LGR5: variants seen among roughly 807,000 people sequenced by gnomAD.
LGR5 encodes the protein leucine rich repeat containing G protein-coupled receptor 5.
Under a neutral mutation model 76.7 loss-of-function variants are expected in LGR5, and 54 were observed. The ratio of observed to expected loss-of-function variants is 0.70; its 90% confidence interval spans 0.57 to 0.88. The LOEUF (loss-of-function observed/expected upper bound fraction) is 0.88. LGR5 is among the 40% of genes least tolerant of loss of function. LGR5 has a pLI of 0.00. For synonymous variants in LGR5, 406 were observed against 421.9 expected (o/e 0.96, Z 0.46); for missense variants, 1,078 against 1,073.3 (o/e 1.00, Z -0.06).
chr12:71,564,740 C>CTG (rs1371138478), intron 8 of LGR5, among the ~76,000 whole-genome samples: 2 of 21,562 alleles, frequency 9.3e-5, no homozygotes, highest in Non-Finnish European at 4.2e-4. Context: ...TGTACACACA[C>CTG]TGTATATATA....
intron 4 of LGR5, among the ~76,000 whole-genome samples, chr12:71,537,764 T>C (rs1156639789): frequency 6.6e-6 from 1 of 152,204 alleles, no homozygotes; most frequent in African/African-American, 2.4e-5. Flanking sequence ...CCATTCATTT[T>C]CCAGGCCATA....
intron 3 of LGR5, among the ~76,000 whole-genome samples, chr12:71,525,874 A>T (rs909359965): frequency 6.6e-6 from 1 of 151,296 alleles, no homozygotes; most frequent in Admixed American, 6.6e-5. Flanking sequence ...CTTAAATATG[A>T]ATTATACAAG....
chr12:71,535,482 C>T (rs533201492), intron 4 of LGR5, among the ~76,000 whole-genome samples: 1 of 144,558 alleles, frequency 6.9e-6, no homozygotes, highest in South Asian at 2.4e-4. Flanking sequence ...CTTCTGAATT[C>T]GAATAAGAAA....
At chr12:71,468,273 C>T (rs1872940910) in intron 1 of LGR5, among the ~76,000 whole-genome samples, 1 of 152,136 alleles carries the variant, frequency 6.6e-6, no homozygotes, top group Non-Finnish European at 1.5e-5. Context: ...ACTGATTGCA[C>T]TTGATAAAAA....
chr12:71,468,966 TA>T (rs1872975254), intron 1 of LGR5, among the ~76,000 whole-genome samples: 1 of 152,222 alleles, frequency 6.6e-6, no homozygotes, highest in Non-Finnish European at 1.5e-5. Flanking sequence ...GCCCCCCAAA[TA>T]TTAAAAGTGT....
At chr12:71,539,447 T>C (rs1876763822) in intron 4 of LGR5, among the ~76,000 whole-genome samples, 1 of 152,204 alleles carries the variant, frequency 6.6e-6, no homozygotes, top group Admixed American at 6.5e-5. Context: ...TTGTTCATAA[T>C]GGAAACACAT....
Position 71,504,671 on chromosome 12 carries a change from C to G in LGR5, c.270C>G (p.Arg90=), listed in dbSNP as rs1466735133. 1 of 1,613,544 alleles carries G rather than the reference C, an allele frequency of 6.2e-7. No homozygotes were observed. Among genetic ancestry groups the G allele is most frequent in the East Asian group, 2.2e-5 (1 of 44,872 alleles). ...QLLPNPLPSL[R]FLEELRLAGN... ...TCCCGAATCCCCTGCCCAGTCTCCGCTTCCTGGAGGAGTTGTAAGTATCAC... is the reference window on the plus strand; with the variant it reads ...TCCCGAATCCCCTGCCCAGTCTCCGGTTCCTGGAGGAGTTGTAAGTATCAC... Residue 90 remains arginine (R), a synonymous_variant, in exon 2 of 18, where the codon CGC becomes CGG. Transcript: ENST00000266674.
intron 2 of LGR5, among the ~76,000 whole-genome samples, chr12:71,509,559 G>A (rs1875041307): frequency 6.6e-6 from 1 of 152,130 alleles, no homozygotes; most frequent in Admixed American, 6.5e-5. Flanking sequence ...CGCTTGCTAT[G>A]TAGACAAATA....
At chr12:71,537,242 G>T (rs61147303) in intron 4 of LGR5, among the ~76,000 whole-genome samples, 2,921 of 150,882 alleles carry the variant, frequency 0.019, 109 homozygotes, top group African/African-American at 0.068. Context: ...TCACTTGGAG[G>T]CCAGGAGTTT....
At chr12:71,454,810 G>A (rs1466248619) in intron 1 of LGR5, among the ~76,000 whole-genome samples, 3 of 148,648 alleles carry the variant, frequency 2.0e-5, no homozygotes. Flanking sequence ...CAAACCCCAC[G>A]GCCACATCTC....
chr12:71,491,504 T>G (rs1007375951), intron 1 of LGR5, among the ~76,000 whole-genome samples: 1 of 152,066 alleles, frequency 6.6e-6, no homozygotes, highest in African/African-American at 2.4e-5. Context: ...TTTATGTCCC[T>G]TGTAAGGTAA....
At chr12:71,525,649 T>C (rs1417712562) in intron 3 of LGR5, among the ~76,000 whole-genome samples, 1 of 151,848 alleles carries the variant, frequency 6.6e-6, no homozygotes, top group Non-Finnish European at 1.5e-5. Context: ...TTGGGATACT[T>C]GTGAAATAAA....
chr12:71,495,504 C>G (rs1171505600), intron 1 of LGR5, among the ~76,000 whole-genome samples: 1 of 151,416 alleles, frequency 6.6e-6, no homozygotes, highest in Non-Finnish European at 1.5e-5. Flanking sequence ...ATGAAAGCTA[C>G]TTTTAAGCCC....
chr12:71,472,317 G>A (rs1378764512), intron 1 of LGR5, among the ~76,000 whole-genome samples: 2 of 152,098 alleles, frequency 1.3e-5, no homozygotes, highest in East Asian at 3.8e-4. Flanking sequence ...ATAGCCCTAT[G>A]AGATAACTAT....
intron 11 of LGR5, among the ~76,000 whole-genome samples, chr12:71,570,530 C>CA (rs1484240249): frequency 6.6e-6 from 1 of 151,890 alleles, no homozygotes; most frequent in Non-Finnish European, 1.5e-5. Context: ...CGCTATTTTT[C>CA]AAAAATACAT....
At chr12:71,514,475 G>C (rs1875333454) in intron 2 of LGR5, among the ~76,000 whole-genome samples, 1 of 151,870 alleles carries the variant, frequency 6.6e-6, no homozygotes, top group African/African-American at 2.4e-5. Flanking sequence ...GGCTGAGGCA[G>C]GAGAATGGCT....
intron 3 of LGR5, among the ~76,000 whole-genome samples, chr12:71,527,104 A>G (rs1381584959): frequency 2.0e-5 from 3 of 152,064 alleles, no homozygotes; most frequent in African/African-American, 7.2e-5. Context: ...AAGTGAGGGA[A>G]GGCCATGTTC....
chr12:71,559,532 A>G (rs1409278945), intron 6 of LGR5, 54 bp from the exon 7 acceptor site: 18 of 936,622 alleles, frequency 1.9e-5, no homozygotes, highest in Non-Finnish European at 3.1e-5. Context: ...TTGTAAATAG[A>G]GTATATATGA....
intron 13 of LGR5, among the ~76,000 whole-genome samples, chr12:71,576,943 C>T (rs889111886): frequency 1.3e-5 from 2 of 152,264 alleles, no homozygotes; most frequent in Middle Eastern, 3.4e-3. Flanking sequence ...ACGTTTCCTC[C>T]CCTTGTTAGC....
Sources: gnomAD v4.1 joint callset for allele counts (sites outside exome capture counted in the v4.1 genomes callset) on GRCh38, gnomAD v4.1.1 for gene constraint, MANE v1.5 for transcripts, NCBI Gene and HGNC (gene_info 2026-07-23, HGNC 2026-07-21) for gene names.